Variants in TENM4 observed in about 807,000 individuals in gnomAD.
TENM4 encodes the protein teneurin-4.
TENM4 carries 82 observed loss-of-function variants against 243.3 expected under a neutral mutation model. The observed-to-expected ratio is 0.34, with a 90% CI of 0.28 to 0.40. The LOEUF is 0.40. TENM4 is among the 10% of genes least tolerant of loss of function. TENM4 has a pLI of 1.00. For missense variants in TENM4, 3,138 were observed against 3,673.3 expected (o/e 0.85, Z 3.77); for synonymous variants, 1,412 against 1,456.3 (o/e 0.97, Z 0.69).
At chr11:78,684,107 C>T (rs896450695) in intron 29 of TENM4, among the ~76,000 whole-genome samples, 3 of 152,208 alleles carry the variant, frequency 2.0e-5, no homozygotes, top group Non-Finnish European at 2.9e-5. Flanking sequence ...CCTCAGTGGT[C>T]TTGCAGCTGA....
chr11:79,291,952 T>A (rs1428643163), intron 2 of TENM4, among the ~76,000 whole-genome samples: 1 of 152,190 alleles, frequency 6.6e-6, no homozygotes, highest in African/African-American at 2.4e-5. Context: ...GCCCTGGTGC[T>A]GGCAGGAGTC....
intron 9 of TENM4, among the ~76,000 whole-genome samples, chr11:78,873,775 T>C (rs1320044470): frequency 6.6e-6 from 1 of 152,200 alleles, no homozygotes; most frequent in African/African-American, 2.4e-5. Context: ...TAAATGTGTG[T>C]TGAACACAAT....
At chr11:78,974,723 C>CTTTTTTT (rs5792830) in intron 6 of TENM4, among the ~76,000 whole-genome samples, 1 of 129,280 alleles carries the variant, frequency 7.7e-6, no homozygotes, top group African/African-American at 3.2e-5. Flanking sequence ...CTTTTCTTTT[C>CTTTTTTT]TTTTTTTTTT....
In TENM4 at chr11:79,323,828, C is replaced by A. The variant is rs149549225; in HGVS notation, c.-320-26285G>T. Among the ~76,000 whole-genome samples the A allele has an allele frequency of 5.3e-3, 805 of 152,214 alleles. 3 individuals carry two copies. Among genetic ancestry groups the A allele is most frequent in the Non-Finnish European group, 8.2e-3 (561 of 68,022 alleles). On this transcript the variant is annotated intron_variant, in intron 1 of 33. Coordinates refer to ENST00000278550, the MANE Select transcript of TENM4 (RefSeq NM_001098816.3). ...CAGATTTTGGACTTGCCAGTTCCTA[C>A]AATCGTGTGAGTCAATTCCATAAAA...
chr11:79,393,907 T>C (rs922604369), intron 1 of TENM4, among the ~76,000 whole-genome samples: 2 of 151,860 alleles, frequency 1.3e-5, no homozygotes, highest in Non-Finnish European at 2.9e-5. Flanking sequence ...GGTTGGAGGA[T>C]GCATCAGAGT....
chr11:78,813,502 T>C (rs1354591822), intron 13 of TENM4, among the ~76,000 whole-genome samples: 1 of 152,220 alleles, frequency 6.6e-6, no homozygotes, highest in East Asian at 1.9e-4. Context: ...GGATTGGGTC[T>C]TGCCTAGCAC....
intron 12 of TENM4, among the ~76,000 whole-genome samples, chr11:78,839,724 G>A (rs1429065290): frequency 1.3e-5 from 2 of 152,160 alleles, no homozygotes; most frequent in Non-Finnish European, 2.9e-5. Flanking sequence ...ATTTAACCAG[G>A]AACCATAATA....
At chr11:78,892,136 G>A (rs756386210) in intron 7 of TENM4, among the ~76,000 whole-genome samples, 7 of 152,198 alleles carry the variant, frequency 4.6e-5, no homozygotes, top group Non-Finnish European at 1.0e-4. Context: ...TGTTCCCCAA[G>A]TGCATAGCAT....
chr11:78,845,444 C>G (rs980244402), intron 12 of TENM4, among the ~76,000 whole-genome samples: 1 of 152,240 alleles, frequency 6.6e-6, no homozygotes, highest in Non-Finnish European at 1.5e-5. Context: ...CCAGGCTGGG[C>G]TGACTCCAAA....
chr11:78,809,591 G>A (rs1407687561), intron 14 of TENM4, among the ~76,000 whole-genome samples: 1 of 152,204 alleles, frequency 6.6e-6, no homozygotes, highest in Non-Finnish European at 1.5e-5. Context: ...AGGAACAATG[G>A]TGATTTCCCA....
chr11:78,856,235 G>A (rs953572389), intron 10 of TENM4, 57 bp from the exon 11 acceptor site: 49 of 1,468,414 alleles, frequency 3.3e-5, no homozygotes, highest in South Asian at 7.4e-5. Flanking sequence ...CATGGGAAAC[G>A]AGAAACCAGG....
chr11:79,025,310 T>G (rs948473683), intron 6 of TENM4, among the ~76,000 whole-genome samples: 5 of 151,756 alleles, frequency 3.3e-5, no homozygotes, highest in Non-Finnish European at 7.3e-5. Flanking sequence ...TGATTCAGTC[T>G]GCCAGAAGGG....
rs1317394705 is a variant in TENM4 at position 78,669,859 on chromosome 11, G to A, written c.6486C>T (p.Leu2162=). Reference sequence around the variant, plus strand: ...CATACTGGACGGTCATCCAGTACATGAGCGAGCGGAAGATCTCATACTGCA... The same window carrying A: ...CATACTGGACGGTCATCCAGTACATAAGCGAGCGGAAGATCTCATACTGCA... The part of the protein sequence containing the change: ...KEVQYEIFRS[L]MYWMTVQYDN... Residue 2162 remains leucine, a synonymous_variant, in exon 32 of 34, where the codon CTC becomes CTT. Coordinates refer to ENST00000278550, the MANE Select transcript of TENM4 (RefSeq NM_001098816.3). This position sits in a 1 kb window ranked among gnomAD's most constrained non-coding sequence, Gnocchi z 6.4. 3.1e-6 allele frequency: 5 copies of A among 1,613,758 alleles called. No individual in the cohort carries two copies. Among genetic ancestry groups the A allele is most frequent in the Non-Finnish European group, 4.2e-6 (5 of 1,179,790 alleles).
At chr11:79,064,609 C>A in intron 6 of TENM4, 129 bp downstream of exon 6, 2 of 1,234,976 alleles carry the variant, frequency 1.6e-6, no homozygotes, top group Non-Finnish European at 2.3e-6. Flanking sequence ...TGACATTTGA[C>A]CCCTGAGAGT....
chr11:79,066,668 A>G (rs1245021475), intron 5 of TENM4, among the ~76,000 whole-genome samples: 6 of 151,676 alleles, frequency 4.0e-5, no homozygotes, highest in East Asian at 1.9e-4. Context: ...AAACATGCAC[A>G]TGCACACACA....
chr11:78,901,353 T>C (rs1855925379), intron 7 of TENM4, among the ~76,000 whole-genome samples: 1 of 152,100 alleles, frequency 6.6e-6, no homozygotes, highest in Admixed American at 6.5e-5. Context: ...CTTATTTGAG[T>C]AATAAAGTAT....
chr11:78,878,281 A>G (rs1205600361), intron 9 of TENM4, among the ~76,000 whole-genome samples: 2 of 152,178 alleles, frequency 1.3e-5, no homozygotes, highest in Non-Finnish European at 1.5e-5. Context: ...ACCCGGCACA[A>G]GAAGCTGTGG....
In TENM4 at chr11:79,330,714, T is replaced by C. The variant is rs547261811; in HGVS notation, c.-320-33171A>G. On this transcript the variant is annotated intron_variant, in intron 1 of 33. Transcript: ENST00000278550. The stretch of plus-strand genomic sequence containing the variant: ...TCCGCAAATTAACCCTGTGAAATTT[T>C]ACTATCCCTCCTGGCAGATGAGGAA... Among the ~76,000 whole-genome samples, 4 of 152,314 alleles carry C rather than the reference T, an allele frequency of 2.6e-5. No individual in the cohort carries two copies. In the East Asian group the frequency reaches 7.7e-4, roughly 29 times the overall value.
chr11:79,414,752 A>G (rs1590949568), intron 1 of TENM4, among the ~76,000 whole-genome samples: 1 of 152,350 alleles, frequency 6.6e-6, no homozygotes, highest in East Asian at 1.9e-4. Context: ...CACAGATCAC[A>G]GAGAGAGGGG....
Sources: allele counts gnomAD v4.1 joint callset (sites outside exome capture counted in the v4.1 genomes callset), GRCh38; gene constraint gnomAD v4.1.1; non-coding constraint Gnocchi (gnomAD v3.1); transcripts MANE v1.5; gene names NCBI Gene and HGNC (gene_info 2026-07-23, HGNC 2026-07-21).